Variants in ATRNL1 observed in about 807,000 individuals in gnomAD.
ATRNL1 encodes attractin like 1.
In ATRNL1, 95 loss-of-function variants were observed where a neutral mutation model predicts 182.7. That is an observed-to-expected ratio of 0.52 (90% CI 0.44 to 0.62). The LOEUF is 0.62. Ranked by LOEUF, ATRNL1 falls within the 20% of genes least tolerant of loss-of-function variation. The probability of loss-of-function intolerance (pLI) is 0.00; values close to 1 mark genes in which losing one functional copy is unlikely to be tolerated. For synonymous variants in ATRNL1, 576 were observed against 568.3 expected (o/e 1.01, Z -0.19); for missense variants, 1,471 against 1,679.5 (o/e 0.88, Z 2.17).
At chr10:115,197,105 G>GTT (rs1302728600) in intron 8 of ATRNL1, among the ~76,000 whole-genome samples, 1 of 150,862 alleles carries the variant, frequency 6.6e-6, no homozygotes, top group Non-Finnish European at 1.5e-5. Flanking sequence ...CCTCGAAATA[G>GTT]TTTTTTTTTC....
chr10:115,300,348 T>A, intron 16 of ATRNL1, 101 bp downstream of exon 16: 1 of 914,490 alleles, frequency 1.1e-6, no homozygotes, highest in Non-Finnish European at 1.6e-6. Flanking sequence ...GATATTTATG[T>A]AAATTTTATT....
At chr10:115,441,394 C>T (rs569977376) in intron 21 of ATRNL1, among the ~76,000 whole-genome samples, 1 of 152,024 alleles carries the variant, frequency 6.6e-6, no homozygotes, top group African/African-American at 2.4e-5. Flanking sequence ...CCCACAACTC[C>T]ATAGACATTG....
intron 8 of ATRNL1, 33 bp from the exon 9 acceptor site, chr10:115,215,664 T>A: frequency 6.7e-7 from 1 of 1,502,368 alleles, no homozygotes; most frequent in Non-Finnish European, 8.9e-7. Context: ...AAATACTACT[T>A]GAAATTTATA....
chr10:115,882,169 A>G (rs1201094008), intron 28 of ATRNL1, among the ~76,000 whole-genome samples: 1 of 152,224 alleles, frequency 6.6e-6, no homozygotes, highest in East Asian at 1.9e-4. Flanking sequence ...CTCAGCATTC[A>G]AAAACAGTTG....
intron 21 of ATRNL1, among the ~76,000 whole-genome samples, chr10:115,445,535 G>T (rs868926828): frequency 6.7e-6 from 1 of 148,412 alleles, no homozygotes; most frequent in African/African-American, 2.5e-5. Flanking sequence ...GTGTGTGTGT[G>T]TGTGTGTGTG....
intron 3 of ATRNL1, among the ~76,000 whole-genome samples, chr10:115,127,203 A>G (rs1554873751): frequency 6.6e-6 from 1 of 152,198 alleles, no homozygotes. Context: ...TAAACCAATC[A>G]GAATGAGTAA....
At chr10:115,134,665 A>C (rs1554876168) in intron 5 of ATRNL1, among the ~76,000 whole-genome samples, 1 of 152,172 alleles carries the variant, frequency 6.6e-6, no homozygotes, top group Middle Eastern at 3.2e-3. Flanking sequence ...AAAAGAGGGA[A>C]TCCTCCCTAA....
chr10:115,563,012 A>G (rs2133843376), intron 26 of ATRNL1, among the ~76,000 whole-genome samples: 1 of 152,326 alleles, frequency 6.6e-6, no homozygotes, highest in South Asian at 2.1e-4. Context: ...ATGGTAATCA[A>G]GATGGTGTTA....
chr10:115,225,706 T>C (rs2144486666), intron 9 of ATRNL1, among the ~76,000 whole-genome samples: 1 of 151,296 alleles, frequency 6.6e-6, no homozygotes, highest in South Asian at 2.1e-4. Context: ...AACCTTATTG[T>C]GAGAAATTAA....
At chr10:115,598,693 GTAAC>G (rs1368060676) in intron 26 of ATRNL1, among the ~76,000 whole-genome samples, 7 of 152,038 alleles carry the variant, frequency 4.6e-5, no homozygotes, top group African/African-American at 1.7e-4. Flanking sequence ...CTTTATAAAA[GTAAC>G]TATGTCTTTT....
At chr10:115,471,214 G>C (rs895783623) in intron 24 of ATRNL1, among the ~76,000 whole-genome samples, 1 of 150,724 alleles carries the variant, frequency 6.6e-6, no homozygotes, top group Non-Finnish European at 1.5e-5. Flanking sequence ...GAAACATATA[G>C]ATATAAATCA....
At chr10:115,855,475 C>A (rs1047225322) in intron 28 of ATRNL1, among the ~76,000 whole-genome samples, 1 of 152,252 alleles carries the variant, frequency 6.6e-6, no homozygotes, top group African/African-American at 2.4e-5. Context: ...TCTCTGAAGG[C>A]AGTGGCAATA....
chr10:115,875,706 A>G (rs1041476449), intron 28 of ATRNL1, among the ~76,000 whole-genome samples: 10 of 152,184 alleles, frequency 6.6e-5, no homozygotes, highest in Non-Finnish European at 1.2e-4. Context: ...TGAGCAAAGA[A>G]CCTAACAGGT....
rs573646641 is a variant in ATRNL1, at chr10:115,456,115, C to A, written c.3323-5826C>A. Among the ~76,000 whole-genome samples, 9 of 152,226 alleles carry A rather than the reference C, an allele frequency of 5.9e-5. No individual in the cohort carries two copies. In the South Asian group the frequency reaches 1.5e-3, roughly 25 times the overall value. On this transcript the variant is annotated intron_variant, in intron 21 of 28. Transcript: ENST00000355044. The stretch of plus-strand genomic sequence containing the variant: ...ATCTAAATCTAGAAATACCATTTGA[C>A]CTAGCAATCCCATTACTGGGTATAT...
intron 26 of ATRNL1, among the ~76,000 whole-genome samples, chr10:115,587,433 C>T (rs1220143539): frequency 2.0e-5 from 3 of 151,786 alleles, no homozygotes; most frequent in African/African-American, 2.4e-5. Context: ...TAGGACCCTC[C>T]CAGCCAGGTG....
At chr10:115,864,057 G>A (rs1951377117) in intron 28 of ATRNL1, among the ~76,000 whole-genome samples, 1 of 152,032 alleles carries the variant, frequency 6.6e-6, no homozygotes, top group South Asian at 2.1e-4. Flanking sequence ...TAGATAGTTC[G>A]AGACCAGCCC....
chr10:115,424,072 G>T (rs996222171), intron 20 of ATRNL1, among the ~76,000 whole-genome samples: 5 of 152,042 alleles, frequency 3.3e-5, no homozygotes, highest in Admixed American at 2.0e-4. Flanking sequence ...GGAACCCAAA[G>T]AACTCAATAG....
intron 3 of ATRNL1, among the ~76,000 whole-genome samples, chr10:115,126,313 C>G (rs1554873506): frequency 6.6e-6 from 1 of 152,202 alleles, no homozygotes; most frequent in African/African-American, 2.4e-5. Flanking sequence ...CTGCCTCCAC[C>G]TTCCAAAGTA....
intron 23 of ATRNL1, 54 bp downstream of exon 23, chr10:115,467,306 G>A: frequency 7.9e-7 from 1 of 1,266,756 alleles, no homozygotes; most frequent in Non-Finnish European, 1.1e-6. Context: ...TCTGGAAGTT[G>A]TTCTAACATG....
Sources: gnomAD v4.1 joint callset for allele counts (sites outside exome capture counted in the v4.1 genomes callset) on GRCh38, gnomAD v4.1.1 for gene constraint, MANE v1.5 for transcripts, NCBI Gene and HGNC (gene_info 2026-07-23, HGNC 2026-07-21) for gene names.